Variants in RELL1 observed in about 807,000 individuals in gnomAD.
RELL1 encodes RELT like 1.
RELL1 carries 10 observed loss-of-function variants against 23.0 expected under a neutral mutation model. That is an observed-to-expected ratio of 0.43 (90% confidence interval 0.27 to 0.74). The LOEUF (loss-of-function observed/expected upper bound fraction) is 0.74, where lower values mean the gene tolerates loss of function less well. Ranked by LOEUF, RELL1 falls within the 30% of genes least tolerant of loss-of-function variation. The pLI is 0.19. For synonymous variants in RELL1, 146 were observed against 146.8 expected (o/e 0.99, Z 0.04); for missense variants, 315 against 364.4 (o/e 0.86, Z 1.10).
intron 6 of RELL1, among the ~76,000 whole-genome samples, chr4:37,616,229 A>G (rs939796988): frequency 6.6e-6 from 1 of 152,168 alleles, no homozygotes; most frequent in African/African-American, 2.4e-5. Flanking sequence ...AATGATTCCT[A>G]TTTTCATAGG....
intron 6 of RELL1, among the ~76,000 whole-genome samples, chr4:37,598,078 A>AATATATATATATATATATATATATATAT (rs138367525): frequency 9.7e-4 from 123 of 126,704 alleles, no homozygotes; most frequent in Non-Finnish European, 1.2e-3. Context: ...TATATATCAT[A>AATATATATATATATATATATATATATAT]ATATATATAT....
In RELL1 at chr4:37,612,176, CAAAAA is replaced by C. The variant is rs36064800; in HGVS notation, c.*1165_*1169del. Among the ~76,000 whole-genome samples the C allele has an allele frequency of 5.6e-5, 3 of 53,780 alleles. No individual in the cohort carries two copies. The highest frequency in any genetic ancestry group is 8.7e-4 in the South Asian group (1 of 1,150). The allele number at this position is 53,780 out of a possible 152,430, so 35.3% of individuals were successfully genotyped here. A position where few individuals can be genotyped will look rare whatever the true frequency, so the allele number is the denominator to read the frequency against. ...TGGGCGACAGAGCGAGACTCCGCCT[CAAAAA>C]AAAAAAAAAAAAAAAAAAAAGAGAG... On this transcript the variant is annotated 3_prime_UTR_variant, in exon 7 of 7. Coordinates refer to ENST00000454158, the MANE Select transcript of RELL1 (RefSeq NM_001085400.2).
At chr4:37,670,713 G>A (rs1375040548) in intron 1 of RELL1, among the ~76,000 whole-genome samples, 1 of 151,496 alleles carries the variant, frequency 6.6e-6, no homozygotes, top group African/African-American at 2.4e-5. Context: ...TGGGACTACA[G>A]GCACGTGCCA....
intron 6 of RELL1, among the ~76,000 whole-genome samples, chr4:37,624,646 G>A (rs1719881524): frequency 6.6e-6 from 1 of 151,782 alleles, no homozygotes; most frequent in South Asian, 2.1e-4. Context: ...AGCCAGGATG[G>A]TCTCGATCTC....
downstream of RELL1, among the ~76,000 whole-genome samples, chr4:37,587,523 A>G (rs1480007720): frequency 1.3e-5 from 2 of 152,208 alleles, no homozygotes; most frequent in African/African-American, 2.4e-5. Flanking sequence ...ATGAAGCAGC[A>G]TCCCTGGAAA....
intron 1 of RELL1, among the ~76,000 whole-genome samples, chr4:37,653,211 A>G: frequency 6.6e-6 from 1 of 152,178 alleles, no homozygotes; most frequent in Non-Finnish European, 1.5e-5. Context: ...TATCTTAGGT[A>G]AAGTGCTGAC....
chr4:37,604,876 C>G (rs1178876949), intron 6 of RELL1, among the ~76,000 whole-genome samples: 3 of 75,932 alleles, frequency 4.0e-5, no homozygotes, highest in African/African-American at 5.8e-5. Flanking sequence ...GACACACACA[C>G]ACATACACAC....
chr4:37,596,720 ATATATATATATATATATTTTTT>A, intron 6 of RELL1, among the ~76,000 whole-genome samples: 1 of 10,178 alleles, frequency 9.8e-5, no homozygotes, highest in Non-Finnish European at 3.7e-4. Context: ...ATATATATAT[ATATATATATATATATATTTTTT>A]TTTTTTTTTT....
rs780127151 is a variant in RELL1 at position 37,649,377 on chromosome 4, C to T, written c.212G>A (p.Gly71Asp). 22 of 1,614,102 alleles carry T rather than the reference C, an allele frequency of 1.4e-5. No individual in the cohort carries two copies. The highest frequency in any genetic ancestry group is 1.9e-5 in the Non-Finnish European group (22 of 1,180,054). The change falls in exon 2 of 7, where the codon GGT becomes GAT. Residue 71 changes from glycine to aspartate, a missense_variant. Physicochemically the swap from Gly to Asp is moderately conservative, Grantham distance 94 (BLOSUM62 -1). Coordinates refer to ENST00000454158, the MANE Select transcript of RELL1 (RefSeq NM_001085400.2). ...GTGGCAAATGAGGACGCCAAAGAGACCCATGATAAAGAACACAGGGACAAG... is the reference window on the plus strand; with the variant it reads ...GTGGCAAATGAGGACGCCAAAGAGATCCATGATAAAGAACACAGGGACAAG... The part of the protein sequence containing the change: ...YALVPVFFIM[G>D]LFGVLICHLL...
intron 1 of RELL1, among the ~76,000 whole-genome samples, chr4:37,680,704 G>A (rs989900742): frequency 1.1e-4 from 17 of 152,150 alleles, no homozygotes; most frequent in South Asian, 2.1e-4. Context: ...CGAGGCGGGC[G>A]GATCATGAGG....
At chr4:37,586,807 G>A (rs1422418816), downstream of RELL1, among the ~76,000 whole-genome samples, 3 of 152,174 alleles carry the variant, frequency 2.0e-5, no homozygotes, top group Non-Finnish European at 4.4e-5. Context: ...CTACTGGGGA[G>A]GCTGAGGCAG....
intron 3 of RELL1, among the ~76,000 whole-genome samples, chr4:37,641,867 G>A (rs780588000): frequency 5.3e-5 from 8 of 152,134 alleles, no homozygotes; most frequent in South Asian, 2.1e-4. Flanking sequence ...AAGCTTTACC[G>A]ATCTTACGTG....
chr4:37,673,186 C>T lies in RELL1; in HGVS notation c.88+13014G>A, dbSNP rs144858732. 4.8e-3 allele frequency among the ~76,000 whole-genome samples: 444 copies of T among 93,150 alleles called. 2 individuals carry two copies. Among genetic ancestry groups the T allele is most frequent in the African/African-American group, 0.016 (396 of 24,256 alleles). The allele number at this position is 93,150 out of a possible 152,430, so 61.1% of individuals were successfully genotyped here. A position where few individuals can be genotyped will look rare whatever the true frequency, so the allele number is the denominator to read the frequency against. ...CATCAAGACTATATACTTTTTTTTT[C>T]TTTTTTTTTTTTTTTTTTTTTGAGA... is the stretch of plus-strand genomic sequence containing the variant. On this transcript the variant is annotated intron_variant, in intron 1 of 6. Coordinates refer to ENST00000454158, the MANE Select transcript of RELL1 (RefSeq NM_001085400.2).
intron 6 of RELL1, among the ~76,000 whole-genome samples, chr4:37,620,728 A>C (rs1164618311): frequency 6.6e-6 from 1 of 152,224 alleles, no homozygotes. Context: ...TCAAATGGAC[A>C]ATACTGCTAT....
intron 6 of RELL1, among the ~76,000 whole-genome samples, chr4:37,602,221 C>CAAA (rs11410477): frequency 2.3e-4 from 22 of 96,730 alleles, no homozygotes; most frequent in African/African-American, 5.5e-4. Context: ...TGTCTCAAAC[C>CAAA]AAAAAAAAAA....
downstream of RELL1, chr4:37,590,178 A>G (rs141212963): frequency 2.6e-4 from 426 of 1,614,206 alleles, 2 homozygotes; most frequent in East Asian, 2.7e-3. Context: ...CTGATAAATT[A>G]AAAGGCAAAT....
chr4:37,606,549 G>C (rs557820918), downstream of RELL1, among the ~76,000 whole-genome samples: 2 of 152,352 alleles, frequency 1.3e-5, no homozygotes, highest in Admixed American at 1.3e-4. This position sits in a 1 kb window ranked among gnomAD's most constrained non-coding sequence, Gnocchi z 4.1. Flanking sequence ...TGGTGTCCTT[G>C]TAAGAGCAGA....
intron 1 of RELL1, among the ~76,000 whole-genome samples, chr4:37,684,719 G>A (rs12503137): frequency 9.2e-5 from 14 of 152,288 alleles, no homozygotes; most frequent in South Asian, 4.1e-4. Flanking sequence ...TTGGGAGGCC[G>A]AGGCAGGAGG....
chr4:37,679,117 C>T (rs911220589), intron 1 of RELL1, among the ~76,000 whole-genome samples: 1 of 152,184 alleles, frequency 6.6e-6, no homozygotes, highest in African/African-American at 2.4e-5. Flanking sequence ...TGTCCGGCCC[C>T]TCTACCCATC....
Sources: gnomAD v4.1 joint callset for allele counts (sites outside exome capture counted in the v4.1 genomes callset) on GRCh38, gnomAD v4.1.1 for gene constraint, Gnocchi (gnomAD v3.1) non-coding constraint, MANE v1.5 for transcripts, NCBI Gene and HGNC (gene_info 2026-07-23, HGNC 2026-07-21) for gene names.